The following U2SURP variants were observed in gnomAD, a reference collection of about 807,000 sequenced individuals.
U2SURP encodes U2 snRNP associated SURP domain containing.
U2SURP carries 9 observed loss-of-function variants against 144.9 expected under a neutral mutation model. The observed-to-expected ratio is 0.06, with a 90% confidence interval of 0.04 to 0.11. The LOEUF (loss-of-function observed/expected upper bound fraction) is 0.11. U2SURP is among the 10% of genes least tolerant of loss of function. U2SURP has a pLI of 1.00. For missense variants in U2SURP, 724 were observed against 1,226.7 expected (o/e 0.59, Z 6.12); for synonymous variants, 408 against 396.8 (o/e 1.03, Z -0.33).
At chr3:143,033,697 TTTTCAA>T (rs1252001761) in intron 18 of U2SURP, among the ~76,000 whole-genome samples, 1 of 152,142 alleles carries the variant, frequency 6.6e-6, no homozygotes, top group African/African-American at 2.4e-5. Flanking sequence ...TATTATGCCA[TTTTCAA>T]TCAGGAACTT....
In U2SURP at chr3:143,032,813, G is replaced by A. The variant is rs1933583446; in HGVS notation, c.1640G>A (p.Arg547Gln). The change falls in exon 17 of 28, where the codon CGG (arginine) becomes CAG (glutamine). Residue 547 changes from arginine (R) to glutamine (Q), a missense_variant. By Grantham distance (43) the Arg-to-Gln change is conservative (BLOSUM62 1). Coordinates refer to ENST00000473835, the MANE Select transcript of U2SURP (RefSeq NM_001080415.2). ...EQRDKLEEIL[R>Q]GLTPRKNDIG... ...AGGGATAAATTGGAAGAAATCTTGC[G>A]GGGATTAACTCCAAGGAAAAATGAT... is the stretch of plus-strand genomic sequence containing the variant. 6.2e-7 allele frequency: 1 copy of A among 1,612,680 alleles called. No individual in the cohort carries two copies. The highest frequency in any genetic ancestry group is 8.5e-7 in the Non-Finnish European group (1 of 1,179,304).
At chr3:143,049,191 G>C (rs886889994) in intron 24 of U2SURP, among the ~76,000 whole-genome samples, 3 of 150,718 alleles carry the variant, frequency 2.0e-5, no homozygotes, top group Non-Finnish European at 3.0e-5. Context: ...GCTTGAACCT[G>C]GGAGGTGGAG....
chr3:143,002,660 T>C (rs913135601), intron 1 of U2SURP, among the ~76,000 whole-genome samples: 1 of 152,166 alleles, frequency 6.6e-6, no homozygotes, highest in Non-Finnish European at 1.5e-5. Context: ...AAATCGGCTA[T>C]TAGAAAGTTA....
intron 4 of U2SURP, among the ~76,000 whole-genome samples, chr3:143,015,049 C>T (rs982186475): frequency 6.6e-6 from 1 of 151,990 alleles, no homozygotes; most frequent in African/African-American, 2.4e-5. Context: ...CTATATTTGT[C>T]ATTGTCAAAT....
intron 1 of U2SURP, among the ~76,000 whole-genome samples, chr3:143,007,708 G>A (rs1322611448): frequency 6.6e-6 from 1 of 152,114 alleles, no homozygotes; most frequent in Non-Finnish European, 1.5e-5. Context: ...CTCCCAAAGT[G>A]CTGAGATTAC....
intron 27 of U2SURP, among the ~76,000 whole-genome samples, chr3:143,055,573 T>C (rs1019459979): frequency 6.6e-6 from 1 of 152,194 alleles, no homozygotes; most frequent in Non-Finnish European, 1.5e-5. Flanking sequence ...TACTTTTTTT[T>C]CCTTTAGTTC....
chr3:143,052,768 A>T (rs1934952381), intron 25 of U2SURP, among the ~76,000 whole-genome samples: 1 of 152,358 alleles, frequency 6.6e-6, no homozygotes, highest in Non-Finnish European at 1.5e-5. Flanking sequence ...AATCAGAAGA[A>T]TCAGCTATCA....
chr3:143,042,829 A>G (rs552501919), intron 23 of U2SURP, among the ~76,000 whole-genome samples: 10 of 152,332 alleles, frequency 6.6e-5, no homozygotes, highest in African/African-American at 2.4e-4. Flanking sequence ...CTGCAAGGAA[A>G]GTTTGTTGCA....
rs1359810512 is a variant in U2SURP at position 143,024,603 on chromosome 3, A to C, written c.1274+585A>C. The C allele has an allele frequency of 2.9e-5, 11 of 374,312 alleles. No individual in the cohort carries two copies. In the East Asian group the frequency reaches 5.7e-4, roughly 19 times the overall value. The allele number at this position is 374,312 out of a possible 1,614,324, so 23.2% of individuals were successfully genotyped here. ...TCCTTTTTTTCTCTTTCAACACACT[A>C]TTAAAGCAGAAGAATTCATGCTGTA... is the stretch of plus-strand genomic sequence containing the variant. On this transcript the variant is annotated intron_variant, in intron 13 of 27. Transcript: ENST00000473835.
chr3:143,043,322 C>T, intron 24 of U2SURP, 46 bp downstream of exon 24: 1 of 1,535,020 alleles, frequency 6.5e-7, no homozygotes, highest in Non-Finnish European at 8.8e-7. Context: ...TGGCTTTTCA[C>T]TTTCTCCACC....
At chr3:143,001,725 G>C (rs1352307510) in intron 1 of U2SURP, 52 bp downstream of exon 1, 3 of 1,608,922 alleles carry the variant, frequency 1.9e-6, no homozygotes, top group South Asian at 2.2e-5. Flanking sequence ...TGTCGTTTGG[G>C]GCCCACAGAC....
At position 143,058,871 on chromosome 3, in the gene U2SURP, A is replaced by G. The variant is rs1188901834; in HGVS notation, c.*2421A>G. ...GAAAGATCATGTTCTATCTGTGGACACTTACTGTCCTCTACCACAGCTACG... is the reference window on the plus strand; with the variant it reads ...GAAAGATCATGTTCTATCTGTGGACGCTTACTGTCCTCTACCACAGCTACG... On this transcript the variant is annotated 3_prime_UTR_variant, in exon 28 of 28. Transcript: ENST00000473835. 1 of 151,904 alleles carries G rather than the reference A, an allele frequency of 6.6e-6. No homozygotes were observed. Among genetic ancestry groups the G allele is most frequent in the Admixed American group, 6.6e-5 (1 of 15,234 alleles). The allele number at this position is 151,904 out of a possible 1,614,324, so 9.4% of individuals were successfully genotyped here.
chr3:143,041,758 A>G (rs1383356278), intron 23 of U2SURP, among the ~76,000 whole-genome samples: 1 of 151,998 alleles, frequency 6.6e-6, no homozygotes, highest in Non-Finnish European at 1.5e-5. Flanking sequence ...CTTTCTGCTC[A>G]TCGTAGAATG....
At position 143,012,146 on chromosome 3, in the gene U2SURP, C is replaced by T. The variant is rs144312958; in HGVS notation, c.91-76C>T. The T allele has an allele frequency of 3.8e-4, 571 of 1,519,738 alleles. 9 individuals carry two copies. In the East Asian group the frequency reaches 0.013, roughly 34 times the overall value. The allele number at this position is 1,519,738 out of a possible 1,614,324, so 94.1% of individuals were successfully genotyped here. On this transcript the variant is annotated intron_variant, in intron 2 of 27. Transcript: ENST00000473835. ...TGAAATTTGTCAATATCTGGCATGGCTTATTCCTAGTTTTCAGTGCTATAT... is the reference window on the plus strand; with the variant it reads ...TGAAATTTGTCAATATCTGGCATGGTTTATTCCTAGTTTTCAGTGCTATAT...
intron 5 of U2SURP, 95 bp downstream of exon 5, chr3:143,016,466 A>G: frequency 9.0e-7 from 1 of 1,111,654 alleles, no homozygotes; most frequent in Non-Finnish European, 1.3e-6. Flanking sequence ...GTAGATAATT[A>G]TGAAAGGAAG....
chr3:143,031,438 T>TACCACCACCCTAACCTTCAGCC (rs1933484579), intron 16 of U2SURP, among the ~76,000 whole-genome samples: 1 of 114,128 alleles, frequency 8.8e-6, no homozygotes, highest in African/African-American at 2.8e-5. Flanking sequence ...AACCTTCAGC[T>TACCACCACCCTAACCTTCAGCC]ACCACCACCC....
intron 4 of U2SURP, among the ~76,000 whole-genome samples, chr3:143,015,667 T>G (rs1012708166): frequency 6.6e-6 from 1 of 152,144 alleles, no homozygotes; most frequent in Non-Finnish European, 1.5e-5. Flanking sequence ...TATTGAACAC[T>G]AAATTTCCAC....
At chr3:143,001,812 C>G in intron 1 of U2SURP, 139 bp downstream of exon 1, 1 of 1,124,168 alleles carries the variant, frequency 8.9e-7, no homozygotes, top group Non-Finnish European at 1.3e-6. Context: ...GCCGCCGCAC[C>G]GTTGTGCGCA....
intron 18 of U2SURP, among the ~76,000 whole-genome samples, chr3:143,033,810 G>T (rs943696737): frequency 6.6e-6 from 1 of 151,998 alleles, no homozygotes; most frequent in Non-Finnish European, 1.5e-5. Flanking sequence ...ATGGTTTGTA[G>T]AATTTTTTAA....
Sources: gnomAD v4.1 joint callset for allele counts (sites outside exome capture counted in the v4.1 genomes callset) on GRCh38, gnomAD v4.1.1 for gene constraint, MANE v1.5 for transcripts, NCBI Gene and HGNC (gene_info 2026-07-23, HGNC 2026-07-21) for gene names.